The following PSG7 variants were observed in gnomAD, a reference collection of about 807,000 sequenced individuals.
PSG7 encodes the protein pregnancy specific beta-1-glycoprotein 7.
A neutral mutation model predicts 45.6 loss-of-function variants in PSG7; 57 were observed. The ratio of observed to expected loss-of-function variants is 1.25; its 90% CI spans 1.01 to 1.56. The LOEUF (loss-of-function observed/expected upper bound fraction) is 1.56, where lower values mean the gene tolerates loss of function less well. Ranked by LOEUF, PSG7 falls within the 40% of genes most tolerant of loss-of-function variation. The pLI, the probability that PSG7 is intolerant of heterozygous loss-of-function variation, is 0.00. For missense variants in PSG7, 796 were observed against 508.4 expected, an observed-to-expected ratio of 1.57 and a Z score of -5.44; for synonymous variants, 298 against 194.4, an observed-to-expected ratio of 1.53 and a Z score of -4.43.
rs1332197481 is a variant in PSG7 at position 42,935,330 on chromosome 19, C to G, written c.430+74G>C. ...AGAGGGACACAGGCACAGTCCAGGC[C>G]TGACAATTCTGTGTGTGTGAAGTAG... On this transcript the variant is annotated intron_variant, in intron 2 of 5. Coordinates refer to ENST00000406070, the MANE Select transcript of PSG7 (RefSeq NM_002783.3). 4.5e-6 allele frequency: 7 copies of G among 1,557,658 alleles called. No homozygotes were observed. The African/African-American group carries it at 5.5e-5, about 12-fold the overall frequency.
intron 2 of PSG7, among the ~76,000 whole-genome samples, chr19:42,933,294 TATATATATA>T (rs1167455557): frequency 0.014 from 209 of 15,212 alleles, 20 homozygotes; most frequent in African/African-American, 0.026. Flanking sequence ...TATATATATA[TATATATATA>T]TATATTTTTT....
chr19:42,935,262 T>A (rs1973120824), intron 2 of PSG7, 142 bp downstream of exon 2: 1 of 1,445,478 alleles, frequency 6.9e-7, no homozygotes, highest in Non-Finnish European at 9.6e-7. Flanking sequence ...TCTGTGTGTT[T>A]CCTGCAATAA....
chr19:42,933,307 A>ATATTTTTTTTTTTTTTTTT (rs56691588), intron 2 of PSG7, among the ~76,000 whole-genome samples: 1 of 13,506 alleles, frequency 7.4e-5, no homozygotes, highest in African/African-American at 1.7e-4. Context: ...ATATATATAT[A>ATATTTTTTTTTTTTTTTTT]TTTTTTTTTT....
chr19:42,929,386 T>G, intron 3 of PSG7, 56 bp downstream of exon 3: 1 of 1,611,354 alleles, frequency 6.2e-7, no homozygotes, highest in South Asian at 1.1e-5. Flanking sequence ...GCCCGGCCTC[T>G]GGCCATGTGT....
At chr19:42,933,295 A>T (rs531114522) in intron 2 of PSG7, among the ~76,000 whole-genome samples, 643 of 11,894 alleles carry the variant, frequency 0.054, 73 homozygotes, top group African/African-American at 0.15. Context: ...ATATATATAT[A>T]TATATATATA....
rs531044575 is a variant in PSG7, at chr19:42,925,004, G to C, written c.1244-180C>G. 64 of 626,810 alleles carry C rather than the reference G, an allele frequency of 1.0e-4. 3 individuals carry two copies. The highest frequency in any genetic ancestry group is 1.6e-4 in the Non-Finnish European group (56 of 350,212). The allele number at this position is 626,810 out of a possible 1,614,324, so 38.8% of individuals were successfully genotyped here. On this transcript the variant is annotated intron_variant, in intron 5 of 5. Transcript: ENST00000406070. ...GGTTGAGTTTCTTCAAACTTGGTCT[G>C]ATTGTTTACATAAGTGCAGCAAGAG...
At position 42,934,278 on chromosome 19, in the gene PSG7, G is replaced by T. The variant is rs149394115; in HGVS notation, c.430+1126C>A. 4.2e-3 allele frequency among the ~76,000 whole-genome samples: 643 copies of T among 151,466 alleles called. 11 individuals are homozygous for T. Among genetic ancestry groups the T allele is most frequent in the African/African-American group, 0.015 (602 of 41,242 alleles). ...TAGTTCTGGAGTGCAGACTAATCAG[G>T]TGACCACTTGCTCTCACTCCTCTGA... is the stretch of plus-strand genomic sequence containing the variant. On this transcript the variant is annotated intron_variant, in intron 2 of 5. Coordinates refer to ENST00000406070, the MANE Select transcript of PSG7 (RefSeq NM_002783.3).
chr19:42,929,577 T>C lies in PSG7; in HGVS notation c.574A>G (p.Ser192Gly). Residue 192 changes from serine to glycine, a missense_variant, in exon 3 of 6, where the codon AGC (serine) becomes GGC (glycine). By Grantham distance (56) the Ser-to-Gly change is moderately conservative. Coordinates refer to ENST00000406070, the MANE Select transcript of PSG7 (RefSeq NM_002783.3). ...MNGQSLPMTHSLQLSETNRTL... is the reference protein window; with the variant it reads ...MNGQSLPMTHGLQLSETNRTL... Reference sequence around the variant, plus strand: ...CTGTTGGTTTCAGACAGCTGCAAGCTGTGAGTCATAGGGAGGCTCTGACCA... The same window carrying C: ...CTGTTGGTTTCAGACAGCTGCAAGCCGTGAGTCATAGGGAGGCTCTGACCA... The C allele has an allele frequency of 6.2e-7, 1 of 1,612,626 alleles. No homozygotes were observed. Among genetic ancestry groups the C allele is most frequent in the Non-Finnish European group, 8.5e-7 (1 of 1,179,244 alleles).
chr19:42,933,266 AATATATATATATATATATATATAT>A (rs1161461136), intron 2 of PSG7, among the ~76,000 whole-genome samples: 1 of 15,742 alleles, frequency 6.4e-5, no homozygotes, highest in Non-Finnish European at 1.2e-4. Flanking sequence ...TCACCATTTC[AATATATATATATATATATATATAT>A]ATATATATAT....
At chr19:42,929,261 T>G in intron 3 of PSG7, 181 bp downstream of exon 3, 1 of 1,396,228 alleles carries the variant, frequency 7.2e-7, no homozygotes, top group South Asian at 1.5e-5. Flanking sequence ...GCCTCTTTTC[T>G]CTTATTGTGG....
At position 42,925,938 on chromosome 19, in the gene PSG7, G is replaced by T. The variant is rs764597205; in HGVS notation, c.1078C>A (p.Pro360Thr). 1.2e-6 allele frequency: 2 copies of T among 1,612,264 alleles called. No homozygotes were observed. The highest frequency in any genetic ancestry group is 2.2e-5 in the East Asian group (1 of 44,798). The change falls in exon 5 of 6, where the codon CCA becomes ACA. Residue 360 changes from proline to threonine, a missense_variant. Physicochemically the swap from Pro to Thr is conservative, Grantham distance 38. Coordinates refer to ENST00000406070, the MANE Select transcript of PSG7 (RefSeq NM_002783.3). ...ATTGTCCAAGAATACTGTGCCGGTGGGTTAGAGTCCGCAAAGCAGGACAAG... is the reference window on the plus strand; with the variant it reads ...ATTGTCCAAGAATACTGTGCCGGTGTGTTAGAGTCCGCAAAGCAGGACAAG... The part of the protein sequence containing the change: ...LYLSCFADSN[P>T]PAQYSWTING...
intron 3 of PSG7, chr19:42,927,598 T>C (rs966888154): frequency 3.3e-5 from 5 of 151,594 alleles, no homozygotes; most frequent in African/African-American, 1.2e-4. Flanking sequence ...TCATGGACCA[T>C]GTGTGTTTGA....
chr19:42,926,801 C>T (rs1972904200), intron 3 of PSG7, 85 bp from the exon 4 acceptor site: 1 of 1,563,674 alleles, frequency 6.4e-7, no homozygotes, highest in Non-Finnish European at 8.7e-7. Context: ...TGGCATCTCC[C>T]ACCTGTCAAC....
intron 3 of PSG7, among the ~76,000 whole-genome samples, chr19:42,928,868 T>C (rs1458192098): frequency 6.6e-6 from 1 of 151,462 alleles, no homozygotes; most frequent in African/African-American, 2.4e-5. Flanking sequence ...GACCCCTCTA[T>C]ATGTTTTAGT....
chr19:42,929,564 G>A lies in PSG7; in HGVS notation c.587C>T (p.Ser196Phe). 1.9e-6 allele frequency: 3 copies of A among 1,612,622 alleles called. No homozygotes were observed. Among genetic ancestry groups the A allele is most frequent in the Admixed American group, 1.7e-5 (1 of 59,898 alleles). The change falls in exon 3 of 6, where the codon TCT (serine) becomes TTT (phenylalanine). Residue 196 changes from serine to phenylalanine, a missense_variant. Physicochemically the swap from Ser to Phe is radical, Grantham distance 155. Transcript: ENST00000406070. ...TAGGTAGAGGGTCCTGTTGGTTTCAGACAGCTGCAAGCTGTGAGTCATAGG... is the reference window on the plus strand; with the variant it reads ...TAGGTAGAGGGTCCTGTTGGTTTCAAACAGCTGCAAGCTGTGAGTCATAGG... ...SLPMTHSLQL[S>F]ETNRTLYLFG...
Position 42,924,727 on chromosome 19 carries a change from C to T in PSG7, c.*81G>A. 1 of 767,178 alleles carries T rather than the reference C, an allele frequency of 1.3e-6. No homozygotes were observed. Among genetic ancestry groups the T allele is most frequent in the Non-Finnish European group, 2.4e-6 (1 of 417,478 alleles). 47.5% of individuals were successfully genotyped at this position (767,178 alleles called of 1,614,324 possible). ...TTTACATTGAGTTGTCCAACTCTGA[C>T]TTATAGGGCTTCTGGAACAGAGTGG... On this transcript the variant is annotated 3_prime_UTR_variant, in exon 6 of 6. Transcript: ENST00000406070.
chr19:42,931,762 C>T (rs147632045), intron 2 of PSG7, among the ~76,000 whole-genome samples: 4 of 151,418 alleles, frequency 2.6e-5, no homozygotes, highest in Non-Finnish European at 5.9e-5. Flanking sequence ...TCGATCTGGT[C>T]CCCAAACCAC....
intron 5 of PSG7, chr19:42,925,208 C>G (rs574053390): frequency 3.2e-6 from 1 of 312,328 alleles, no homozygotes; most frequent in Admixed American, 4.8e-5. Context: ...TATAACATCC[C>G]AGTCAAAGCC....
At chr19:42,928,493 T>C (rs1281818339) in intron 3 of PSG7, among the ~76,000 whole-genome samples, 1 of 151,674 alleles carries the variant, frequency 6.6e-6, no homozygotes, top group African/African-American at 2.4e-5. Flanking sequence ...GTATAATCAT[T>C]TGACCTTTTT....
Sources: allele counts gnomAD v4.1 joint callset (sites outside exome capture counted in the v4.1 genomes callset), GRCh38; gene constraint gnomAD v4.1.1; transcripts MANE v1.5; gene names NCBI Gene and HGNC (gene_info 2026-07-23, HGNC 2026-07-21).